Variants in PARD3B observed in about 807,000 individuals in gnomAD.
The protein encoded by PARD3B is partitioning defective 3 homolog B.
In PARD3B, 103 loss-of-function variants were observed where a neutral mutation model predicts 130.2. The ratio of observed to expected loss-of-function variants is 0.79; its 90% confidence interval spans 0.67 to 0.93. The LOEUF (loss-of-function observed/expected upper bound fraction) is 0.93, where lower values mean the gene tolerates loss of function less well. PARD3B is among the 40% of genes least tolerant of loss of function. The pLI is 0.00. For missense variants in PARD3B, 1,609 were observed against 1,499.2 expected, an observed-to-expected ratio of 1.07 and a Z score of -1.21; for synonymous variants, 583 against 553.2, an observed-to-expected ratio of 1.05 and a Z score of -0.76.
rs2047062497 is a variant in PARD3B, at chr2:204,907,013, C to A, written c.223-58139C>A. Among the ~76,000 whole-genome samples the A allele has an allele frequency of 6.6e-6, 1 of 151,844 alleles. No individual in the cohort carries two copies. Among genetic ancestry groups the A allele is most frequent in the Non-Finnish European group, 1.5e-5 (1 of 68,004 alleles). On this transcript the variant is annotated intron_variant, in intron 2 of 22. Transcript: ENST00000406610. The surrounding 1 kb of genome is among the most constrained non-coding windows in gnomAD (Gnocchi z 5.7). Reference sequence around the variant, plus strand: ...TTTTTTCTTTTCAGACTGAGTCTTGCTCTGTCGCCCAGGCTGGAGTTCAGT... The same window carrying A: ...TTTTTTCTTTTCAGACTGAGTCTTGATCTGTCGCCCAGGCTGGAGTTCAGT...
chr2:204,765,612 T>A (rs997263075), intron 2 of PARD3B, among the ~76,000 whole-genome samples: 17 of 152,200 alleles, frequency 1.1e-4, no homozygotes, highest in Non-Finnish European at 8.8e-5. Flanking sequence ...CATATTTTGG[T>A]TTCTTTCATT....
At chr2:204,953,056 GTATATATAT>G in intron 2 of PARD3B, among the ~76,000 whole-genome samples, 1 of 132,990 alleles carries the variant, frequency 7.5e-6, no homozygotes, top group Non-Finnish European at 1.6e-5. Context: ...GTATATATAC[GTATATATAT>G]AGAGAGAGAG....
intron 21 of PARD3B, among the ~76,000 whole-genome samples, chr2:205,523,408 T>A (rs554981549): frequency 7.9e-5 from 12 of 151,682 alleles, no homozygotes; most frequent in African/African-American, 2.9e-4. Context: ...CATGCCCAAC[T>A]AATTTTTGTC....
chr2:205,144,546 ATAAGACC>A (rs2033209830), intron 10 of PARD3B, among the ~76,000 whole-genome samples: 1 of 152,208 alleles, frequency 6.6e-6, no homozygotes, highest in Non-Finnish European at 1.5e-5. Context: ...GTCATCTTCT[ATAAGACC>A]TAAGTGACTT....
intron 2 of PARD3B, among the ~76,000 whole-genome samples, chr2:204,788,226 A>G (rs1040616925): frequency 6.6e-6 from 1 of 152,194 alleles, no homozygotes; most frequent in African/African-American, 2.4e-5. Flanking sequence ...AGTGGCTGAG[A>G]TACGCTGATA....
intron 3 of PARD3B, among the ~76,000 whole-genome samples, chr2:204,985,390 G>C (rs564553715): frequency 6.6e-5 from 10 of 152,262 alleles, no homozygotes; most frequent in African/African-American, 1.9e-4. Flanking sequence ...TATCAAAGGG[G>C]AGAATGTCTT....
At chr2:205,361,964 A>G (rs764790198) in intron 18 of PARD3B, among the ~76,000 whole-genome samples, 1 of 151,586 alleles carries the variant, frequency 6.6e-6, no homozygotes, top group Non-Finnish European at 1.5e-5. Context: ...AGTGTCTCAG[A>G]GTTGGAAAGA....
chr2:205,512,268 G>A (rs757159085), intron 21 of PARD3B, among the ~76,000 whole-genome samples: 51 of 152,144 alleles, frequency 3.4e-4, no homozygotes, highest in Non-Finnish European at 3.8e-4. Flanking sequence ...TTATGAAAGA[G>A]TGCAAAAGTT....
intron 11 of PARD3B, among the ~76,000 whole-genome samples, chr2:205,167,352 A>C (rs2034879870): frequency 6.6e-6 from 1 of 152,176 alleles, no homozygotes; most frequent in Non-Finnish European, 1.5e-5. Flanking sequence ...AATTGTGGAA[A>C]GACCCTGGTG....
chr2:204,969,081 C>T (rs1037254764), intron 3 of PARD3B, among the ~76,000 whole-genome samples: 1 of 152,160 alleles, frequency 6.6e-6, no homozygotes, highest in Non-Finnish European at 1.5e-5. Context: ...CCATATAGTA[C>T]AGAGATTGCT....
At chr2:204,804,492 T>C (rs937075872) in intron 2 of PARD3B, among the ~76,000 whole-genome samples, 13 of 152,176 alleles carry the variant, frequency 8.5e-5, no homozygotes, top group African/African-American at 2.9e-4. Context: ...CACCCGGATA[T>C]ATAAAGCAAA....
Position 205,158,416 on chromosome 2 carries a change from A to G in PARD3B, c.1435-306A>G, listed in dbSNP as rs902300042. Reference sequence around the variant, plus strand: ...TGTCCAGCCTTTTTTATTATGGAGAATATCTTAGTAAATTTCCAAAGGCTT... The same window carrying G: ...TGTCCAGCCTTTTTTATTATGGAGAGTATCTTAGTAAATTTCCAAAGGCTT... On this transcript the variant is annotated intron_variant, in intron 10 of 22. Transcript: ENST00000406610. The surrounding 1 kb of genome is among the most constrained non-coding windows in gnomAD (Gnocchi z 5.4). Among the ~76,000 whole-genome samples, 1 of 152,136 alleles carries G rather than the reference A, an allele frequency of 6.6e-6. No individual in the cohort carries two copies. Among genetic ancestry groups the G allele is most frequent in the Non-Finnish European group, 1.5e-5 (1 of 68,030 alleles).
chr2:204,575,846 C>T (rs1168357047), intron 1 of PARD3B, among the ~76,000 whole-genome samples: 1 of 152,180 alleles, frequency 6.6e-6, no homozygotes, highest in African/African-American at 2.4e-5. Flanking sequence ...TCTTCACTGT[C>T]CCCTTAGATA....
At chr2:204,780,993 A>G (rs1333533192) in intron 2 of PARD3B, among the ~76,000 whole-genome samples, 4 of 152,306 alleles carry the variant, frequency 2.6e-5, no homozygotes, top group South Asian at 2.1e-4. Flanking sequence ...ATTTTGTACA[A>G]TGCTTTGCAT....
At chr2:204,651,639 T>C (rs905635572) in intron 1 of PARD3B, among the ~76,000 whole-genome samples, 3 of 152,196 alleles carry the variant, frequency 2.0e-5, no homozygotes, top group African/African-American at 7.2e-5. Context: ...GGCCCTTTTC[T>C]CATAGCTCCA....
At position 204,782,571 on chromosome 2, in the gene PARD3B, C is replaced by T. The variant is rs568636396; in HGVS notation, c.222+96289C>T. Among the ~76,000 whole-genome samples, 158 of 150,750 alleles carry T rather than the reference C, an allele frequency of 1.0e-3. 1 individual carries two copies. Among genetic ancestry groups the T allele is most frequent in the African/African-American group, 3.8e-3 (156 of 41,184 alleles). On this transcript the variant is annotated intron_variant, in intron 2 of 22. Coordinates refer to ENST00000406610, the MANE Select transcript of PARD3B (RefSeq NM_001302769.2). The stretch of plus-strand genomic sequence containing the variant: ...TAATATATATAAAATGTATAAATAG[C>T]TATATACGTAGATACATCTGTGTAT...
chr2:205,406,739 C>G (rs550356479), intron 19 of PARD3B, among the ~76,000 whole-genome samples: 17 of 140,668 alleles, frequency 1.2e-4, no homozygotes, highest in Non-Finnish European at 2.0e-4. Flanking sequence ...GGCATGATCT[C>G]GGCTCACTGC....
chr2:205,193,442 A>C (rs115959128), intron 15 of PARD3B, 122 bp downstream of exon 15: 15,450 of 697,312 alleles, frequency 0.022, 229 homozygotes, highest in Non-Finnish European at 0.028. Context: ...AGAAGCCTGG[A>C]GGAAGGGATA....
chr2:205,232,321 C>T (rs915556270), intron 15 of PARD3B, among the ~76,000 whole-genome samples: 3 of 152,044 alleles, frequency 2.0e-5, no homozygotes, highest in Non-Finnish European at 2.9e-5. Context: ...AGCATAGTGG[C>T]ACACACTGTA....
Sources: allele counts gnomAD v4.1 joint callset (sites outside exome capture counted in the v4.1 genomes callset), GRCh38; gene constraint gnomAD v4.1.1; non-coding constraint Gnocchi (gnomAD v3.1); transcripts MANE v1.5; gene names NCBI Gene and HGNC (gene_info 2026-07-23, HGNC 2026-07-21).